GSE1: variants seen among roughly 807,000 people sequenced by gnomAD.
The protein encoded by GSE1 is Gse1 coiled-coil protein.
In GSE1, 32 loss-of-function variants were observed where a neutral mutation model predicts 112.6. The ratio of observed to expected loss-of-function variants is 0.28; its 90% confidence interval spans 0.21 to 0.38. The LOEUF (loss-of-function observed/expected upper bound fraction) is 0.38. Among genes scored for constraint, GSE1 ranks in the 10% least tolerant of loss-of-function variants. The probability of loss-of-function intolerance (pLI) is 1.00; values close to 1 mark genes in which losing one functional copy is unlikely to be tolerated. For missense variants in GSE1, 2,348 were observed against 1,699.2 expected, an observed-to-expected ratio of 1.38 and a Z score of -6.71; for synonymous variants, 1,115 against 735.6, an observed-to-expected ratio of 1.52 and a Z score of -8.35.
Position 85,668,431 on chromosome 16 carries a change from G to T in GSE1, c.3415+7G>T. On this transcript the variant is annotated splice_region_variant and intron_variant, in intron 14 of 15. Coordinates refer to ENST00000253458, the MANE Select transcript of GSE1 (RefSeq NM_014615.5). ...TACCAGGAACACATAGAAGGTAAGG[G>T]GGTGCTGGGGAAGAGGGGGGAGGGG... The T allele has an allele frequency of 6.3e-7, 1 of 1,581,712 alleles. No individual in the cohort carries two copies.
At chr16:85,617,278 A>T (rs1456455682) in intron 1 of GSE1, among the ~76,000 whole-genome samples, 2 of 152,308 alleles carry the variant, frequency 1.3e-5, no homozygotes, top group East Asian at 3.9e-4. Context: ...GGCGGAGTCC[A>T]GGCCTGGAGG....
At chr16:85,246,207 A>ACACC (rs1326217463) in intron 1 of GSE1, among the ~76,000 whole-genome samples, 2 of 87,814 alleles carry the variant, frequency 2.3e-5, no homozygotes, top group Admixed American at 1.1e-4. Flanking sequence ...CCCTACACAC[A>ACACC]CACACACACA....
chr16:85,386,153 G>T (rs1359084726), intron 2 of GSE1, among the ~76,000 whole-genome samples: 1 of 152,196 alleles, frequency 6.6e-6, no homozygotes, highest in Non-Finnish European at 1.5e-5. Flanking sequence ...TAAATATGGT[G>T]GTTCAGGTGG....
intron 1 of GSE1, among the ~76,000 whole-genome samples, chr16:85,180,820 T>C (rs1396386443): frequency 6.6e-6 from 1 of 152,026 alleles, no homozygotes; most frequent in Non-Finnish European, 1.5e-5. Flanking sequence ...GGAGAAGGGG[T>C]ATCCGATGAG....
chr16:85,374,767 C>T (rs931119705), intron 2 of GSE1, among the ~76,000 whole-genome samples: 4 of 152,136 alleles, frequency 2.6e-5, no homozygotes, highest in African/African-American at 9.7e-5. Flanking sequence ...GGCGCCCACG[C>T]AGTTTCGGGA....
intron 2 of GSE1, among the ~76,000 whole-genome samples, chr16:85,367,750 C>G (rs903504109): frequency 2.0e-5 from 3 of 151,462 alleles, no homozygotes; most frequent in Non-Finnish European, 4.4e-5. Flanking sequence ...AATAGGTGCT[C>G]AGTAAACTTT....
At chr16:85,575,428 C>G (rs1313175187) in intron 1 of GSE1, among the ~76,000 whole-genome samples, 2 of 152,182 alleles carry the variant, frequency 1.3e-5, no homozygotes, top group African/African-American at 2.4e-5. Context: ...ACAGACCCCT[C>G]CTTGCTTCGC....
rs1213202306 is a variant in GSE1 at position 85,235,561 on chromosome 16, ATG to A, written c.2283+63765_2283+63766del. Among the ~76,000 whole-genome samples, 326 of 52,058 alleles carry A rather than the reference ATG, an allele frequency of 6.3e-3. 3 individuals carry two copies. Among genetic ancestry groups the A allele is most frequent in the African/African-American group, 0.022 (304 of 13,688 alleles). 34.2% of individuals were successfully genotyped at this position (52,058 alleles called of 152,430 possible). ...GATGAGGGGGTGATAAAGGGACTATATGTGTGTGTGTGGGTGGGGGGGGGGCG... is the reference window on the plus strand; with the variant it reads ...GATGAGGGGGTGATAAAGGGACTATATGTGTGTGTGGGTGGGGGGGGGGCG... On this transcript the variant is annotated intron_variant, in intron 1 of 2. Transcript: ENST00000637419.
At position 85,341,081 on chromosome 16, in the gene GSE1, A is replaced by T. The variant is rs1170667816; in HGVS notation, c.2284-16382A>T. 2.6e-5 allele frequency among the ~76,000 whole-genome samples: 4 copies of T among 152,212 alleles called. No individual in the cohort carries two copies. In the South Asian group the frequency reaches 6.2e-4, roughly 24 times the overall value. On this transcript the variant is annotated intron_variant, in intron 1 of 2. Transcript: ENST00000637419. ...TGTTGATTATTATTTTATTGCCATT[A>T]TACTTATTATTCTTCCATCCACTGA...
Position 85,656,453 on chromosome 16 carries a change from A to G in GSE1, c.1100A>G (p.Lys367Arg). 6.5e-7 allele frequency: 1 copy of G among 1,543,938 alleles called. No individual in the cohort carries two copies. Among genetic ancestry groups the G allele is most frequent in the Non-Finnish European group, 8.8e-7 (1 of 1,137,462 alleles). ...REKERERERE[K>R]EREQEKERER... ...AAGGAACGTGAGCGCGAACGCGAGA[A>G]GGAGCGCGAGCAAGAGAAGGAGCGT... The change falls in exon 7 of 16, where the codon AAG (lysine) becomes AGG (arginine). Residue 367 changes from lysine to arginine, a missense_variant. Transcript: ENST00000253458.
At chr16:85,652,022 G>C (rs1455128208) in intron 3 of GSE1, among the ~76,000 whole-genome samples, 1 of 152,192 alleles carries the variant, frequency 6.6e-6, no homozygotes, top group Non-Finnish European at 1.5e-5. Flanking sequence ...GGATCTAGAA[G>C]CCCAGCCTGG....
chr16:85,174,243 A>T (rs1054712993), intron 1 of GSE1, among the ~76,000 whole-genome samples: 2 of 152,192 alleles, frequency 1.3e-5, no homozygotes, highest in Non-Finnish European at 2.9e-5. Flanking sequence ...AATCAGGAAT[A>T]GGAGGTTGGA....
rs564450865 is a variant in GSE1 at position 85,639,089 on chromosome 16, G to A, written c.226+4957G>A. 7.2e-5 allele frequency among the ~76,000 whole-genome samples: 11 copies of A among 152,324 alleles called. No homozygotes were observed. The South Asian group carries it at 8.3e-4, about 11-fold the overall frequency. On this transcript the variant is annotated intron_variant, in intron 2 of 15. Coordinates refer to ENST00000253458, the MANE Select transcript of GSE1 (RefSeq NM_014615.5). Reference sequence around the variant, plus strand: ...CACCCCCAGCCCCTTCCCAGCGACCGGCCTGGGCTGCAGTCTGAGCCGAGG... The same window carrying A: ...CACCCCCAGCCCCTTCCCAGCGACCAGCCTGGGCTGCAGTCTGAGCCGAGG...
chr16:85,437,970 G>A (rs927892237), intron 2 of GSE1, among the ~76,000 whole-genome samples: 1 of 152,196 alleles, frequency 6.6e-6, no homozygotes, highest in African/African-American at 2.4e-5. Flanking sequence ...TGTGTGGAAG[G>A]TGCATAAATA....
chr16:85,644,500 C>A (rs187644460), intron 2 of GSE1, among the ~76,000 whole-genome samples: 1 of 152,162 alleles, frequency 6.6e-6, no homozygotes, highest in African/African-American at 2.4e-5. Context: ...AGGAGAGATT[C>A]TCTTAGGTGC....
chr16:85,222,725 C>T (rs1225691675), intron 1 of GSE1, among the ~76,000 whole-genome samples: 16 of 152,100 alleles, frequency 1.1e-4, no homozygotes, highest in Admixed American at 1.3e-4. Context: ...CGTGGACTGC[C>T]GGGAGGAGAT....
chr16:85,588,544 G>C (rs2046816675), intron 1 of GSE1, among the ~76,000 whole-genome samples: 1 of 152,176 alleles, frequency 6.6e-6, no homozygotes, highest in Non-Finnish European at 1.5e-5. Context: ...TTAAAGAAAG[G>C]GCTCTTCTCC....
At chr16:85,212,616 C>T (rs1343159728) in intron 1 of GSE1, among the ~76,000 whole-genome samples, 2 of 152,172 alleles carry the variant, frequency 1.3e-5, no homozygotes, top group African/African-American at 4.8e-5. Context: ...TGACCTTGGA[C>T]TTCCAGCTCC....
intron 2 of GSE1, among the ~76,000 whole-genome samples, chr16:85,390,712 C>T: frequency 7.0e-6 from 1 of 143,310 alleles, no homozygotes; most frequent in Non-Finnish European, 1.5e-5. Context: ...GCCCCCCCCA[C>T]CCCTCCCCGC....
Sources: gnomAD v4.1 joint callset for allele counts (sites outside exome capture counted in the v4.1 genomes callset) on GRCh38, gnomAD v4.1.1 for gene constraint, MANE v1.5 for transcripts, NCBI Gene and HGNC (gene_info 2026-07-23, HGNC 2026-07-21) for gene names.